PDE8B: variants seen among roughly 807,000 people sequenced by gnomAD.
The protein encoded by PDE8B is phosphodiesterase 8B, also known as high affinity cAMP-specific and IBMX-insensitive 3',5'-cyclic phosphodiesterase 8B.
Under a neutral mutation model 101.3 loss-of-function variants are expected in PDE8B, and 26 were observed. The observed-to-expected ratio is 0.26, with a 90% CI of 0.19 to 0.36. PDE8B has a LOEUF of 0.36. Ranked by LOEUF, PDE8B falls within the 10% of genes least tolerant of loss-of-function variation. The pLI is 1.00. For missense variants in PDE8B, 810 were observed against 1,163.1 expected (o/e 0.70, Z 4.42); for synonymous variants, 424 against 429.3 (o/e 0.99, Z 0.15).
the PDE8B span, chr5:77,166,850 C>T: frequency 1.3e-5 from 2 of 152,102 alleles, no homozygotes; most frequent in African/African-American, 4.8e-5. Flanking sequence ...AGTAACAAGC[C>T]CAAAGTCAAA....
the PDE8B span, chr5:77,105,141 AT>A: frequency 1.3e-5 from 2 of 152,216 alleles, no homozygotes; most frequent in East Asian, 3.9e-4. Context: ...GCTAAGTTTC[AT>A]TCTGTTATAT....
the PDE8B span, among the ~76,000 whole-genome samples, chr5:77,091,984 C>T: frequency 6.6e-6 from 1 of 152,096 alleles, no homozygotes; most frequent in African/African-American, 2.4e-5. Flanking sequence ...GACAGTAAGA[C>T]ATATGCAACT....
intron 10 of PDE8B, among the ~76,000 whole-genome samples, chr5:77,355,762 AG>A (rs1781994327): frequency 6.6e-6 from 1 of 152,262 alleles, no homozygotes; most frequent in Non-Finnish European, 1.5e-5. Flanking sequence ...GGCCACAGAC[AG>A]GTAAACAGAA....
intron 1 of PDE8B, among the ~76,000 whole-genome samples, chr5:77,217,880 A>C (rs900810854): frequency 1.3e-5 from 2 of 152,192 alleles, no homozygotes; most frequent in Admixed American, 6.5e-5. Context: ...TTAGTTTAAA[A>C]TTAGTTGTTC....
At chr5:77,125,953 A>G in the PDE8B span, among the ~76,000 whole-genome samples, 1 of 152,228 alleles carries the variant, frequency 6.6e-6, no homozygotes, top group Admixed American at 6.5e-5. Context: ...GGCAAATTTT[A>G]TGTTCTGTAT....
At chr5:77,147,003 G>A in the PDE8B span, 1 of 469,642 alleles carries the variant, frequency 2.1e-6, no homozygotes, top group Admixed American at 2.4e-5. Context: ...GCAGCCTTAT[G>A]AAAAGAAGGC....
At chr5:77,400,803 C>A (rs1266844432) in intron 11 of PDE8B, among the ~76,000 whole-genome samples, 3 of 152,084 alleles carry the variant, frequency 2.0e-5, no homozygotes, top group African/African-American at 7.2e-5. Flanking sequence ...TGGCTTCCTC[C>A]ATAAAAAGAG....
chr5:77,233,500 G>C (rs1388472450), intron 1 of PDE8B, among the ~76,000 whole-genome samples: 1 of 152,154 alleles, frequency 6.6e-6, no homozygotes, highest in Non-Finnish European at 1.5e-5. Flanking sequence ...CTTATATCTG[G>C]ATGAGTAGCT....
rs1302307476 is a variant in PDE8B, at chr5:77,344,835, A to G, written c.798-18A>G. ...GGTTTTCATAGAAGAACTAACTTCA[A>G]TCTTTTATAACTTTCAGGGCCTGTA... On this transcript the variant is annotated intron_variant, in intron 6 of 21. Coordinates refer to ENST00000264917, the MANE Select transcript of PDE8B (RefSeq NM_003719.5). 1 of 1,521,126 alleles carries G rather than the reference A, an allele frequency of 6.6e-7. No individual in the cohort carries two copies. The highest frequency in any genetic ancestry group is 9.1e-7 in the Non-Finnish European group (1 of 1,095,224). The allele number at this position is 1,521,126 out of a possible 1,614,324, so 94.2% of individuals were successfully genotyped here. A position where few individuals can be genotyped will look rare whatever the true frequency, so the allele number is the denominator to read the frequency against.
At chr5:77,413,530 CAT>C (rs765768616) in intron 17 of PDE8B, among the ~76,000 whole-genome samples, 4 of 152,054 alleles carry the variant, frequency 2.6e-5, no homozygotes, top group Non-Finnish European at 5.9e-5. Flanking sequence ...ATTATATCAC[CAT>C]AGAGACTCCT....
chr5:77,097,687 A>ATC, the PDE8B span, among the ~76,000 whole-genome samples: 1 of 37,550 alleles, frequency 2.7e-5, no homozygotes, highest in African/African-American at 5.5e-5. Flanking sequence ...TGGAGATTTT[A>ATC]TATATCTATA....
intron 10 of PDE8B, among the ~76,000 whole-genome samples, chr5:77,355,303 C>A (rs1249485001): frequency 6.6e-6 from 1 of 152,224 alleles, no homozygotes; most frequent in Non-Finnish European, 1.5e-5. Flanking sequence ...CCTAATGGTA[C>A]TGCACAGGCC....
chr5:77,424,812 T>TTTTTTTG (rs375597901), intron 20 of PDE8B, among the ~76,000 whole-genome samples: 2 of 107,298 alleles, frequency 1.9e-5, no homozygotes, highest in Non-Finnish European at 2.1e-5. Flanking sequence ...ACTGGTTCTG[T>TTTTTTTG]TTTTTTGTTT....
intron 10 of PDE8B, among the ~76,000 whole-genome samples, chr5:77,367,535 T>C (rs867468473): frequency 0.098 from 12,567 of 127,966 alleles, 838 homozygotes; most frequent in African/African-American, 0.25. Context: ...TCTCTCTTTT[T>C]TTTTTTTTTT....
At chr5:77,250,348 G>A (rs949484097) in intron 1 of PDE8B, among the ~76,000 whole-genome samples, 5 of 152,166 alleles carry the variant, frequency 3.3e-5, no homozygotes, top group African/African-American at 1.2e-4. Flanking sequence ...GCTGCTAATG[G>A]AATCCAGTTA....
chr5:77,257,166 CAGAGA>C (rs1384349659), intron 1 of PDE8B, among the ~76,000 whole-genome samples: 1 of 151,968 alleles, frequency 6.6e-6, no homozygotes, highest in African/African-American at 2.4e-5. Flanking sequence ...GAACTAAGAA[CAGAGA>C]AGAGAAGTAC....
In PDE8B at chr5:77,421,854, G is replaced by A; in HGVS notation, c.2284G>A (p.Gly762Arg). ...EGSDCECNPA[G>R]KNFPENQILI... ...CAGCGACTGTGAATGCAACCCTGCT[G>A]GGAAGAACTTCCCTGAAAACCAAAT... Residue 762 changes from glycine (G) to arginine (R), a missense_variant, in exon 20 of 22, where the codon GGG becomes AGG. Gly to Arg is a moderately radical substitution (Grantham distance 125). This residue lies in a region of PDE8B where 325 missense variants were observed against 560.9 expected (regional missense o/e 0.58). Coordinates refer to ENST00000264917, the MANE Select transcript of PDE8B (RefSeq NM_003719.5). The A allele has an allele frequency of 6.2e-7, 1 of 1,614,110 alleles. No individual in the cohort carries two copies. The highest frequency in any genetic ancestry group is 1.1e-5 in the South Asian group (1 of 91,058).
chr5:77,384,999 G>A (rs1788249213), intron 10 of PDE8B, among the ~76,000 whole-genome samples: 1 of 152,182 alleles, frequency 6.6e-6, no homozygotes, highest in Admixed American at 6.5e-5. Flanking sequence ...AAATGAGTTA[G>A]GGAGGAGTCC....
Position 77,410,498 on chromosome 5 carries a change from G to A in PDE8B, c.1531-1178G>A, listed in dbSNP as rs913648021. 5 of 152,198 alleles carry A rather than the reference G, an allele frequency of 3.3e-5. 1 individual carries two copies. Among genetic ancestry groups the A allele is most frequent in the African/African-American group, 9.7e-5 (4 of 41,430 alleles). The allele number at this position is 152,198 out of a possible 1,614,324, so 9.4% of individuals were successfully genotyped here. On this transcript the variant is annotated intron_variant, in intron 14 of 21. Transcript: ENST00000264917. ...TACCTAGTCCTCAATTTGGCCCCATGTCCGAGTCCCTTCTCCTACCTCACT... is the reference window on the plus strand; with the variant it reads ...TACCTAGTCCTCAATTTGGCCCCATATCCGAGTCCCTTCTCCTACCTCACT...
Sources: allele counts gnomAD v4.1 joint callset (sites outside exome capture counted in the v4.1 genomes callset), GRCh38; gene constraint gnomAD v4.1.1; regional missense constraint gnomAD v4.1.1; transcripts MANE v1.5; gene names NCBI Gene and HGNC (gene_info 2026-07-23, HGNC 2026-07-21).